Variants in AK7 observed in about 807,000 individuals in gnomAD.
AK7 encodes the protein adenylate kinase 7, also known as ATP-AMP transphosphorylase 7.
In AK7, 78 loss-of-function variants were observed where a neutral mutation model predicts 96.6. The ratio of observed to expected loss-of-function variants is 0.81; its 90% confidence interval spans 0.67 to 0.97. The LOEUF (loss-of-function observed/expected upper bound fraction) is 0.97, where lower values mean the gene tolerates loss of function less well. Ranked by LOEUF, AK7 falls within the 50% of genes least tolerant of loss-of-function variation. The pLI, the probability that AK7 is intolerant of heterozygous loss-of-function variation, is 0.00. For missense variants in AK7, 855 were observed against 887.9 expected (o/e 0.96, Z 0.47); for synonymous variants, 302 against 317.2 (o/e 0.95, Z 0.51).
intron 5 of AK7, among the ~76,000 whole-genome samples, chr14:96,428,977 A>G (rs927886915): frequency 6.6e-6 from 1 of 151,966 alleles, no homozygotes; most frequent in Non-Finnish European, 1.5e-5. Flanking sequence ...GTTAGATCCC[A>G]TTTGTCTATT....
intron 7 of AK7, among the ~76,000 whole-genome samples, chr14:96,446,059 T>C (rs1595423961): frequency 6.6e-6 from 1 of 152,212 alleles, no homozygotes; most frequent in African/African-American, 2.4e-5. Flanking sequence ...GTGACTTCCT[T>C]AAAGAGCCAC....
intron 4 of AK7, among the ~76,000 whole-genome samples, chr14:96,409,590 A>C (rs1227506254): frequency 6.6e-6 from 1 of 152,220 alleles, no homozygotes; most frequent in Non-Finnish European, 1.5e-5. Flanking sequence ...TAAAGGAAGA[A>C]AAAGAAAATA....
chr14:96,478,433 G>T lies in AK7; in HGVS notation c.1556-32G>T, dbSNP rs375330369. On this transcript the variant is annotated intron_variant, in intron 14 of 17. Coordinates refer to ENST00000267584, the MANE Select transcript of AK7 (RefSeq NM_152327.5). ...CCCTGCTAGTTAGCTGCGCTGTATT[G>T]TGCCAACTCTGGAGTCTGTCCTTCT... 3.1e-6 allele frequency: 5 copies of T among 1,612,062 alleles called. No individual in the cohort carries two copies. In the African/African-American group the frequency reaches 5.3e-5, roughly 17 times the overall value.
At chr14:96,434,422 GTCTCTCTCTCTC>G (rs3077780) in intron 5 of AK7, among the ~76,000 whole-genome samples, 10,593 of 149,312 alleles carry the variant, frequency 0.071, 1,274 homozygotes, top group African/African-American at 0.24. Context: ...CTGTCTGTCT[GTCTCTCTCTCTC>G]TCTCTCTCTC....
intron 10 of AK7, 98 bp downstream of exon 10, chr14:96,451,668 G>A (rs1002677923): frequency 1.6e-5 from 19 of 1,224,358 alleles, no homozygotes; most frequent in South Asian, 6.6e-5. Flanking sequence ...TTTTTCAGAC[G>A]TTCAAATTTC....
intron 1 of AK7, among the ~76,000 whole-genome samples, chr14:96,392,918 G>T (rs10139928): frequency 0.019 from 2,891 of 152,216 alleles, 86 homozygotes; most frequent in African/African-American, 0.066. Flanking sequence ...CACCCGTCTC[G>T]GCCTCCCAAA....
At chr14:96,392,388 G>A in intron 1 of AK7, 129 bp downstream of exon 1, 1 of 725,480 alleles carries the variant, frequency 1.4e-6, no homozygotes, top group Non-Finnish European at 2.2e-6. Context: ...GGAGGGTCCC[G>A]CGTCCTGGGC....
intron 6 of AK7, among the ~76,000 whole-genome samples, chr14:96,440,846 A>C (rs1892920996): frequency 6.6e-6 from 1 of 152,194 alleles, no homozygotes; most frequent in Non-Finnish European, 1.5e-5. Context: ...TATTAGAGAA[A>C]GAGGAAGAAA....
chr14:96,474,328 T>G (rs560972020), intron 14 of AK7, among the ~76,000 whole-genome samples: 3 of 151,652 alleles, frequency 2.0e-5, no homozygotes, highest in Non-Finnish European at 2.9e-5. Flanking sequence ...GTGGGCTAAG[T>G]TGATTGGCCA....
intron 4 of AK7, among the ~76,000 whole-genome samples, chr14:96,418,865 T>G (rs1891510138): frequency 6.6e-6 from 1 of 152,248 alleles, no homozygotes; most frequent in South Asian, 2.1e-4. Context: ...AGTTGTTTCC[T>G]TGTAAACTCT....
At chr14:96,465,332 G>A (rs1006167175) in intron 12 of AK7, among the ~76,000 whole-genome samples, 10 of 151,994 alleles carry the variant, frequency 6.6e-5, no homozygotes, top group East Asian at 1.9e-4. Context: ...GCGTGGTGGC[G>A]GGTGCCTGTA....
intron 10 of AK7, 85 bp from the exon 11 acceptor site, chr14:96,456,256 AAAAAAG>A: frequency 1.7e-6 from 2 of 1,160,668 alleles, no homozygotes; most frequent in Non-Finnish European, 2.3e-6. Context: ...AAAAAAAAAA[AAAAAAG>A]CACTCCCCTG....
intron 5 of AK7, among the ~76,000 whole-genome samples, chr14:96,435,800 G>T (rs150731927): frequency 2.6e-5 from 4 of 152,244 alleles, no homozygotes; most frequent in African/African-American, 9.6e-5. Context: ...ATTTGGTCTG[G>T]TTTTTCTTTC....
intron 12 of AK7, among the ~76,000 whole-genome samples, chr14:96,470,864 C>T (rs901806007): frequency 2.0e-5 from 3 of 152,080 alleles, no homozygotes; most frequent in Non-Finnish European, 4.4e-5. Flanking sequence ...TGCGGGCGGG[C>T]GGAGCTCTCT....
At chr14:96,420,323 C>G (rs1032165083) in intron 4 of AK7, among the ~76,000 whole-genome samples, 19 of 151,510 alleles carry the variant, frequency 1.3e-4, no homozygotes, top group Non-Finnish European at 2.1e-4. Context: ...ATGGCAAAAA[C>G]CTGTCTACTA....
Position 96,405,432 on chromosome 14 carries a change from C to T in AK7, c.403+567C>T, listed in dbSNP as rs1398238171. Among the ~76,000 whole-genome samples the T allele has an allele frequency of 1.3e-5, 2 of 152,072 alleles. 1 individual carries two copies. The highest frequency in any genetic ancestry group is 3.9e-4 in the East Asian group (2 of 5,162). ...CCCCTGGCCTCAAGCCATCCTCCAGCCTCAGCCTCCCAAAGCACTGGAGTT... is the reference window on the plus strand; with the variant it reads ...CCCCTGGCCTCAAGCCATCCTCCAGTCTCAGCCTCCCAAAGCACTGGAGTT... On this transcript the variant is annotated intron_variant, in intron 3 of 17. Transcript: ENST00000267584.
intron 14 of AK7, among the ~76,000 whole-genome samples, chr14:96,473,865 G>T (rs974311992): frequency 6.6e-5 from 10 of 152,184 alleles, no homozygotes; most frequent in African/African-American, 1.9e-4. Context: ...ACTTGAGATT[G>T]CACAGGTCAA....
At chr14:96,410,210 G>A (rs1370569154) in intron 4 of AK7, among the ~76,000 whole-genome samples, 1 of 152,160 alleles carries the variant, frequency 6.6e-6, no homozygotes, top group Non-Finnish European at 1.5e-5. Context: ...CTCTTTCCTT[G>A]TAAAGTTTAC....
intron 6 of AK7, among the ~76,000 whole-genome samples, chr14:96,440,398 G>A (rs1892900225): frequency 6.6e-6 from 1 of 152,098 alleles, no homozygotes; most frequent in Non-Finnish European, 1.5e-5. Flanking sequence ...GCATTCGCAG[G>A]CCTCGGCCCT....
Sources: gnomAD v4.1 joint callset for allele counts (sites outside exome capture counted in the v4.1 genomes callset) on GRCh38, gnomAD v4.1.1 for gene constraint, MANE v1.5 for transcripts, NCBI Gene and HGNC (gene_info 2026-07-23, HGNC 2026-07-21) for gene names.